EXOC4: variants seen among roughly 807,000 people sequenced by gnomAD.
EXOC4 encodes exocyst complex component 4.
A neutral mutation model predicts 107.2 loss-of-function variants in EXOC4; 71 were observed. That is an observed-to-expected ratio of 0.66 (90% CI 0.55 to 0.81). The LOEUF is 0.81. EXOC4 is among the 30% of genes least tolerant of loss of function. The probability of loss-of-function intolerance (pLI) is 0.00; values close to 1 mark genes in which losing one functional copy is unlikely to be tolerated. For missense variants in EXOC4, 1,108 were observed against 1,189.6 expected (o/e 0.93, Z 1.01); for synonymous variants, 456 against 441.2 (o/e 1.03, Z -0.42).
chr7:133,562,722 A>G (rs910615920), intron 9 of EXOC4, among the ~76,000 whole-genome samples: 4 of 152,202 alleles, frequency 2.6e-5, no homozygotes, highest in African/African-American at 9.7e-5. Flanking sequence ...TAACGATACA[A>G]CGAATACATT....
chr7:133,431,326 A>G (rs1028468109), intron 7 of EXOC4, among the ~76,000 whole-genome samples: 1 of 152,228 alleles, frequency 6.6e-6, no homozygotes, highest in African/African-American at 2.4e-5. Flanking sequence ...GCTAGCATTC[A>G]TAACAAGAAA....
At chr7:133,805,042 T>C (rs965053388) in intron 10 of EXOC4, among the ~76,000 whole-genome samples, 2 of 152,200 alleles carry the variant, frequency 1.3e-5, no homozygotes, top group South Asian at 4.1e-4. Flanking sequence ...GTACTTGATG[T>C]AGTGTTAGGT....
chr7:133,279,134 A>G (rs1415570623), intron 2 of EXOC4, among the ~76,000 whole-genome samples: 1 of 152,130 alleles, frequency 6.6e-6, no homozygotes, highest in Admixed American at 6.5e-5. Flanking sequence ...CCATGTCCCT[A>G]CAAAGGACAT....
chr7:133,859,744 G>A (rs1798493862), intron 11 of EXOC4, among the ~76,000 whole-genome samples: 1 of 152,050 alleles, frequency 6.6e-6, no homozygotes. Context: ...AACATAAAAG[G>A]TTTATTTCTG....
intron 9 of EXOC4, among the ~76,000 whole-genome samples, chr7:133,530,650 A>T (rs1800165011): frequency 6.6e-6 from 1 of 152,220 alleles, no homozygotes; most frequent in Admixed American, 6.5e-5. Context: ...AAGAGAAATG[A>T]AAGCACATGT....
chr7:133,865,106 T>C (rs1281236444), intron 11 of EXOC4, among the ~76,000 whole-genome samples: 1 of 152,176 alleles, frequency 6.6e-6, no homozygotes, highest in Non-Finnish European at 1.5e-5. Context: ...TTTATATTAC[T>C]TTTTTCTTTT....
At chr7:133,806,239 C>T (rs113695445) in intron 10 of EXOC4, among the ~76,000 whole-genome samples, 255 of 152,208 alleles carry the variant, frequency 1.7e-3, no homozygotes, top group African/African-American at 5.7e-3. Context: ...AGTAGCAAGG[C>T]TGAAGAAAAA....
intron 9 of EXOC4, among the ~76,000 whole-genome samples, chr7:133,559,725 T>C (rs1046235025): frequency 4.4e-4 from 67 of 152,334 alleles, no homozygotes; most frequent in Non-Finnish European, 9.1e-4. Flanking sequence ...CTTTTTTCCT[T>C]TGTCTTCATT....
At chr7:133,590,637 C>T (rs10243390) in intron 9 of EXOC4, among the ~76,000 whole-genome samples, 94,677 of 151,922 alleles carry the variant, frequency 0.62, 30,663 homozygotes, top group South Asian at 0.73. Context: ...TTCAGAGGGA[C>T]GGCTTGATGG....
At chr7:133,427,893 A>C (rs1324173777) in intron 7 of EXOC4, among the ~76,000 whole-genome samples, 5 of 152,200 alleles carry the variant, frequency 3.3e-5, no homozygotes, top group African/African-American at 9.7e-5. Flanking sequence ...AGAAGGGAAA[A>C]AATCAATTGG....
intron 7 of EXOC4, among the ~76,000 whole-genome samples, chr7:133,402,584 C>T (rs1164833269): frequency 1.3e-5 from 2 of 151,870 alleles, no homozygotes; most frequent in Non-Finnish European, 1.5e-5. Flanking sequence ...CTGCAACCTC[C>T]GCCTTCCAGG....
Position 133,899,914 on chromosome 7 carries a change from T to C in EXOC4, c.1871+4179T>C, listed in dbSNP as rs182564883. ...GCACAAGCCACCATGCCCAACTGTC[T>C]ATTTATTTATTTAGTAGAGATGGAG... On this transcript the variant is annotated intron_variant, in intron 12 of 17. Coordinates refer to ENST00000253861, the MANE Select transcript of EXOC4 (RefSeq NM_021807.4). Among the ~76,000 whole-genome samples the C allele has an allele frequency of 1.8e-4, 28 of 152,150 alleles. No homozygotes were observed. The East Asian group carries it at 5.4e-3, about 29-fold the overall frequency.
At chr7:134,078,326 ATAT>A in the EXOC4 span, among the ~76,000 whole-genome samples, 3 of 151,242 alleles carry the variant, frequency 2.0e-5, no homozygotes, top group East Asian at 1.9e-4. Context: ...ACTATATATA[ATAT>A]TATATCTATA....
intron 9 of EXOC4, among the ~76,000 whole-genome samples, chr7:133,621,971 CTGT>C (rs1185524264): frequency 1.3e-5 from 2 of 152,066 alleles, no homozygotes; most frequent in African/African-American, 4.8e-5. Context: ...GTCTGTCTGT[CTGT>C]CTGTCCATCC....
chr7:133,863,649 A>T (rs565759442), intron 11 of EXOC4, among the ~76,000 whole-genome samples: 1 of 152,260 alleles, frequency 6.6e-6, no homozygotes, highest in Admixed American at 6.5e-5. Flanking sequence ...GTAAAAGTTT[A>T]TTGTGCTCTG....
intron 9 of EXOC4, among the ~76,000 whole-genome samples, chr7:133,562,449 C>T (rs1276955861): frequency 1.3e-5 from 2 of 152,172 alleles, no homozygotes; most frequent in Non-Finnish European, 2.9e-5. Flanking sequence ...GTGGTTCTCT[C>T]AATCCCATTC....
intron 12 of EXOC4, among the ~76,000 whole-genome samples, chr7:133,903,363 A>G (rs187664325): frequency 6.6e-6 from 1 of 152,254 alleles, no homozygotes; most frequent in South Asian, 2.1e-4. Flanking sequence ...CCTAAAGGCC[A>G]CAGTGGTAAC....
At chr7:133,971,361 TAG>T (rs1186165891) in intron 14 of EXOC4, among the ~76,000 whole-genome samples, 2,027 of 74,532 alleles carry the variant, frequency 0.027, 29 homozygotes, top group African/African-American at 0.047. Context: ...TATATATATA[TAG>T]AGAGAGAGAG....
chr7:134,079,594 T>C, the EXOC4 span, among the ~76,000 whole-genome samples: 15 of 152,184 alleles, frequency 9.9e-5, no homozygotes, highest in African/African-American at 3.6e-4. Flanking sequence ...GAGTGTGTTC[T>C]GGAAGGAGGT....
Sources: gnomAD v4.1 joint callset for allele counts (sites outside exome capture counted in the v4.1 genomes callset) on GRCh38, gnomAD v4.1.1 for gene constraint, MANE v1.5 for transcripts, NCBI Gene and HGNC (gene_info 2026-07-23, HGNC 2026-07-21) for gene names.